TJP1: variants seen among roughly 807,000 people sequenced by gnomAD.
TJP1 encodes the protein tight junction protein 1.
A neutral mutation model predicts 194.2 loss-of-function variants in TJP1; 43 were observed. The observed-to-expected ratio is 0.22, with a 90% confidence interval of 0.17 to 0.29. The LOEUF is 0.29. TJP1 is among the 10% of genes least tolerant of loss of function. The pLI is 1.00. For missense variants in TJP1, 1,971 were observed against 2,185.7 expected, an observed-to-expected ratio of 0.90 and a Z score of 1.96; for synonymous variants, 801 against 779.0, an observed-to-expected ratio of 1.03 and a Z score of -0.47.
At chr15:29,726,516 G>C in intron 17 of TJP1, 37 bp from the exon 18 acceptor site, 1 of 1,586,006 alleles carries the variant, frequency 6.3e-7, no homozygotes, top group Non-Finnish European at 8.7e-7. Flanking sequence ...TATGGTTAGA[G>C]CACTGCCAAA....
rs2049382693 is a variant in TJP1 at position 29,810,021 on chromosome 15, C to T, written c.28-9319G>A. Among the ~76,000 whole-genome samples the T allele has an allele frequency of 2.0e-5, 3 of 152,288 alleles. No individual in the cohort carries two copies. The South Asian group carries it at 6.2e-4, about 32-fold the overall frequency. On this transcript the variant is annotated intron_variant, in intron 1 of 27. Coordinates refer to ENST00000614355, the MANE Select transcript of TJP1 (RefSeq NM_001330239.4). ...CTGAAATGCTTCAAACCACGTGTTT[C>T]CGATTTCAGGGTGAACCATCCAAAA...
At chr15:29,746,200 C>A (rs1228869963) in intron 8 of TJP1, among the ~76,000 whole-genome samples, 1 of 151,950 alleles carries the variant, frequency 6.6e-6, no homozygotes, top group African/African-American at 2.4e-5. Context: ...ACGGGTGAAA[C>A]CCTGTCTCTA....
In TJP1 at chr15:29,708,919, G is replaced by C. The variant is rs1269133137; in HGVS notation, c.4490C>G (p.Ala1497Gly). ...PPNREDTAQA[A>G]FYPQKSFPDK... ...TGGAAAACTTTTCTGGGGATAGAAA[G>C]CTGCCTGAGCAGTATCTTCTCGGTT... The change falls in exon 25 of 28, where the codon GCT (alanine) becomes GGT (glycine). Residue 1497 changes from alanine to glycine, a missense_variant. By Grantham distance (60) the Ala-to-Gly change is moderately conservative. This residue lies in a region of TJP1 where 1,108 missense variants were observed against 1,128.5 expected (regional missense o/e 0.98). Coordinates refer to ENST00000614355, the MANE Select transcript of TJP1 (RefSeq NM_001330239.4). 2 of 1,614,048 alleles carry C rather than the reference G, an allele frequency of 1.2e-6. No homozygotes were observed. Among genetic ancestry groups the C allele is most frequent in the African/African-American group, 1.3e-5 (1 of 74,912 alleles).
chr15:29,822,445 C>G lies in TJP1; in HGVS notation c.-417G>C. Reference sequence around the variant, plus strand: ...GGAACGCGGCGTCCGCTGGCTCAGCCGGCGCCGGCAACTCAGCGGCCACGC... The same window carrying G: ...GGAACGCGGCGTCCGCTGGCTCAGCGGGCGCCGGCAACTCAGCGGCCACGC... On this transcript the variant is annotated 5_prime_UTR_variant, in exon 1 of 28. Coordinates refer to ENST00000614355, the MANE Select transcript of TJP1 (RefSeq NM_001330239.4). 1 of 987,088 alleles carries G rather than the reference C, an allele frequency of 1.0e-6. No homozygotes were observed. Among genetic ancestry groups the G allele is most frequent in the South Asian group, 4.7e-5 (1 of 21,312 alleles). The allele number at this position is 987,088 out of a possible 1,614,324, so 61.1% of individuals were successfully genotyped here. A position where few individuals can be genotyped will look rare whatever the true frequency, so the allele number is the denominator to read the frequency against.
intron 2 of TJP1, among the ~76,000 whole-genome samples, chr15:29,874,286 T>A (rs928515238): frequency 6.6e-6 from 1 of 151,318 alleles, no homozygotes; most frequent in African/African-American, 2.4e-5. Flanking sequence ...AGTAAAGGAG[T>A]GTATCAGGGA....
At chr15:29,790,253 A>G (rs1227051809) in intron 2 of TJP1, among the ~76,000 whole-genome samples, 1 of 152,210 alleles carries the variant, frequency 6.6e-6, no homozygotes, top group Non-Finnish European at 1.5e-5. Flanking sequence ...TTTATTCGGC[A>G]TCATCTTAGA....
chr15:29,734,295 A>G lies in TJP1; in HGVS notation c.1495T>C (p.Leu499=), dbSNP rs1262972172. 2.5e-6 allele frequency: 4 copies of G among 1,610,752 alleles called. No individual in the cohort carries two copies. Among genetic ancestry groups the G allele is most frequent in the East Asian group, 2.2e-5 (1 of 44,646 alleles). ...DLPKGEEVTI[L]AQKKKDVYRR... Reference sequence around the variant, plus strand: ...TCACCATCCTTCTTCTTCTGAGCCAATATGGTCACTTCTTCTCCTTTAGGG... The same window carrying G: ...TCACCATCCTTCTTCTTCTGAGCCAGTATGGTCACTTCTTCTCCTTTAGGG... The change falls in exon 12 of 28, where the codon TTG becomes CTG. Residue 499 remains leucine, a synonymous_variant. Coordinates refer to ENST00000614355, the MANE Select transcript of TJP1 (RefSeq NM_001330239.4).
At position 29,753,485 on chromosome 15, in the gene TJP1, A is replaced by AC. The variant is rs1230018445; in HGVS notation, c.1010+7653_1010+7654insG. On this transcript the variant is annotated intron_variant, in intron 8 of 27. Transcript: ENST00000614355. ...GGAGACAGAGCAAGACTCTGTGTCAAAAAAAAAAAAAAAAAAAAAAAAAAG... is the reference window on the plus strand; with the variant it reads ...GGAGACAGAGCAAGACTCTGTGTCAACAAAAAAAAAAAAAAAAAAAAAAAAG... 6.4e-5 allele frequency among the ~76,000 whole-genome samples: 5 copies of AC among 78,160 alleles called. No homozygotes were observed. The East Asian group carries it at 1.7e-3, about 26-fold the overall frequency. The allele number at this position is 78,160 out of a possible 152,430, so 51.3% of individuals were successfully genotyped here.
Position 29,710,895 on chromosome 15 carries a change from G to A in TJP1, c.4308C>T (p.Ala1436=), listed in dbSNP as rs751527880. The A allele has an allele frequency of 1.2e-5, 19 of 1,613,994 alleles. No homozygotes were observed. The African/African-American group carries it at 2.3e-4, about 19-fold the overall frequency. The change falls in exon 24 of 28, where the codon GCC becomes GCT. Residue 1436 remains alanine (A), a synonymous_variant. Transcript: ENST00000614355. ...PPPPPLPSQY[A]QPSQPVTSAS... ...CGCTGGTGACAGGCTGAGATGGCTGGGCATACTGCGAGGGCAATGGAGGAG... is the reference window on the plus strand; with the variant it reads ...CGCTGGTGACAGGCTGAGATGGCTGAGCATACTGCGAGGGCAATGGAGGAG...
chr15:29,854,641 A>G (rs2051775101), intron 2 of TJP1, among the ~76,000 whole-genome samples: 1 of 152,160 alleles, frequency 6.6e-6, no homozygotes, highest in Admixed American at 6.5e-5. Context: ...ACTGTGAGTA[A>G]AACTATTTCT....
At chr15:29,739,786 CACTT>C (rs2044275655) in intron 10 of TJP1, among the ~76,000 whole-genome samples, 1 of 151,934 alleles carries the variant, frequency 6.6e-6, no homozygotes, top group African/African-American at 2.4e-5. Context: ...AAACCTCAAA[CACTT>C]ACACAAGTTT....
intron 2 of TJP1, among the ~76,000 whole-genome samples, chr15:29,890,250 T>C (rs2053259195): frequency 6.6e-6 from 1 of 152,180 alleles, no homozygotes; most frequent in African/African-American, 2.4e-5. Context: ...TCATTTAAAA[T>C]GAACTGATTG....
At chr15:29,877,816 T>C (rs1202828781) in intron 2 of TJP1, among the ~76,000 whole-genome samples, 5 of 150,636 alleles carry the variant, frequency 3.3e-5, no homozygotes, top group East Asian at 4.1e-4. Context: ...TACAGGCGCG[T>C]GCCATCACGC....
chr15:29,807,564 A>C (rs1463434939), intron 1 of TJP1, among the ~76,000 whole-genome samples: 1 of 152,318 alleles, frequency 6.6e-6, no homozygotes. Flanking sequence ...ATCTTTTTGC[A>C]TAACTCTCTT....
Position 29,913,994 on chromosome 15 carries a change from C to T in TJP1, c.306+42238G>A, listed in dbSNP as rs533351052. On this transcript the variant is annotated intron_variant, in intron 2 of 28. Transcript: ENST00000356107. ...CCTTTCTCAGAGTGAGTTCGCTCTC[C>T]GGAGGCTTGCTTTCCACATTCTCAT... Among the ~76,000 whole-genome samples, 11 of 152,238 alleles carry T rather than the reference C, an allele frequency of 7.2e-5. 1 individual carries two copies. In the Middle Eastern group the frequency reaches 0.014, roughly 188 times the overall value.
intron 2 of TJP1, among the ~76,000 whole-genome samples, chr15:29,936,093 T>C (rs1465621889): frequency 6.6e-6 from 1 of 152,080 alleles, no homozygotes; most frequent in African/African-American, 2.4e-5. Flanking sequence ...CAAACTGGTC[T>C]CTATATGAGT....
At chr15:29,967,068 C>T (rs1175918482) in intron 1 of TJP1, among the ~76,000 whole-genome samples, 2 of 150,924 alleles carry the variant, frequency 1.3e-5, no homozygotes, top group African/African-American at 4.9e-5. Context: ...GGCTGGAGTG[C>T]AGTGGCATGA....
chr15:29,755,623 C>A (rs2045595159), intron 8 of TJP1, among the ~76,000 whole-genome samples: 1 of 152,180 alleles, frequency 6.6e-6, no homozygotes, highest in African/African-American at 2.4e-5. Flanking sequence ...AAGTTTCAAT[C>A]TTCTGAAAAC....
intron 2 of TJP1, among the ~76,000 whole-genome samples, chr15:29,905,006 T>C (rs1019053592): frequency 1.3e-5 from 2 of 152,210 alleles, no homozygotes; most frequent in Admixed American, 1.3e-4. Context: ...AGAGGAAGCA[T>C]GGCCCTGCTA....
Sources: gnomAD v4.1 joint callset for allele counts (sites outside exome capture counted in the v4.1 genomes callset) on GRCh38, gnomAD v4.1.1 for gene constraint, gnomAD v4.1.1 regional missense constraint, MANE v1.5 for transcripts, NCBI Gene and HGNC (gene_info 2026-07-23, HGNC 2026-07-21) for gene names.